The following MAP2K6 variants were observed in gnomAD, a reference collection of about 807,000 sequenced individuals.
MAP2K6 encodes the protein dual specificity mitogen-activated protein kinase kinase 6.
Under a neutral mutation model 53.7 loss-of-function variants are expected in MAP2K6, and 16 were observed. The ratio of observed to expected loss-of-function variants is 0.30; its 90% CI spans 0.20 to 0.45. The LOEUF is 0.45. Among genes scored for constraint, MAP2K6 ranks in the 20% least tolerant of loss-of-function variants. MAP2K6 has a pLI of 1.00. For missense variants in MAP2K6, 204 were observed against 411.9 expected (o/e 0.50, Z 4.37); for synonymous variants, 132 against 143.1 (o/e 0.92, Z 0.55).
intron 6 of MAP2K6, 24 bp from the exon 7 acceptor site, chr17:69,521,025 A>G: frequency 6.4e-7 from 1 of 1,567,582 alleles, no homozygotes; most frequent in Non-Finnish European, 8.7e-7. Flanking sequence ...TGATAAATAA[A>G]TCTATCTTGT....
At chr17:69,447,625 C>T (rs765317553) in intron 1 of MAP2K6, among the ~76,000 whole-genome samples, 6 of 151,928 alleles carry the variant, frequency 3.9e-5, no homozygotes, top group Non-Finnish European at 7.4e-5. Flanking sequence ...GGATTACAGG[C>T]GTGAGCCACC....
At chr17:69,462,581 G>A (rs931584759) in intron 1 of MAP2K6, among the ~76,000 whole-genome samples, 1 of 152,080 alleles carries the variant, frequency 6.6e-6, no homozygotes, top group South Asian at 2.1e-4. Context: ...TTCAATATGT[G>A]TATAGGCCAT....
chr17:69,521,819 A>AC (rs1910493769), intron 7 of MAP2K6: 2 of 142,168 alleles, frequency 1.4e-5, no homozygotes, highest in Non-Finnish European at 1.5e-5. Context: ...AAAAAAAAAA[A>AC]AAAAAAAAAA....
intron 10 of MAP2K6, among the ~76,000 whole-genome samples, chr17:69,527,284 C>T (rs1910826508): frequency 6.6e-6 from 1 of 152,124 alleles, no homozygotes; most frequent in South Asian, 2.1e-4. Flanking sequence ...CTTAGGTCCC[C>T]AGAAGTCTTG....
intron 2 of MAP2K6, among the ~76,000 whole-genome samples, chr17:69,513,303 G>A (rs1361829948): frequency 2.0e-5 from 3 of 152,184 alleles, no homozygotes; most frequent in Non-Finnish European, 4.4e-5. Flanking sequence ...CTGCCTCGAT[G>A]GGAATCGCAA....
At chr17:69,472,894 A>T (rs895834528) in intron 1 of MAP2K6, among the ~76,000 whole-genome samples, 1 of 152,100 alleles carries the variant, frequency 6.6e-6, no homozygotes, top group African/African-American at 2.4e-5. Flanking sequence ...TTCAGTAGAG[A>T]TGGGGTTTCA....
chr17:69,538,569 A>G (rs918663302), intron 11 of MAP2K6, among the ~76,000 whole-genome samples: 2 of 152,228 alleles, frequency 1.3e-5, no homozygotes, highest in Non-Finnish European at 2.9e-5. Context: ...CTGAGAGGCA[A>G]TTGTTTAGAT....
Position 69,553,066 on chromosome 17 carries a change from TG to T in MAP2K6, c.*11314del, listed in dbSNP as rs2144898720. The T allele has an allele frequency of 6.6e-6, 1 of 152,374 alleles. No homozygotes were observed. Among genetic ancestry groups the T allele is most frequent in the Admixed American group, 6.5e-5 (1 of 15,310 alleles). The allele number at this position is 152,374 out of a possible 1,614,324, so 9.4% of individuals were successfully genotyped here. On this transcript the variant is annotated 3_prime_UTR_variant, in exon 12 of 12. Coordinates refer to ENST00000590474, the MANE Select transcript of MAP2K6 (RefSeq NM_002758.4). ...CTTTTTAACATTTGGAGAAGCCACC[TG>T]TCCTGGGTCCCTATTCTTGAGAAAT...
chr17:69,424,089 C>G (rs1258328102), intron 1 of MAP2K6, among the ~76,000 whole-genome samples: 1 of 152,192 alleles, frequency 6.6e-6, no homozygotes. Context: ...CAGTTATCAT[C>G]TCCTGCAAAG....
chr17:69,524,180 T>TTA (rs147661981), intron 8 of MAP2K6, among the ~76,000 whole-genome samples: 132 of 152,092 alleles, frequency 8.7e-4, no homozygotes, highest in African/African-American at 2.8e-3. Context: ...ACAGACATAG[T>TTA]TATATATATA....
intron 10 of MAP2K6, among the ~76,000 whole-genome samples, chr17:69,533,731 G>GTTT (rs199915836): frequency 5.2e-5 from 6 of 114,976 alleles, no homozygotes; most frequent in Non-Finnish European, 5.3e-5. Flanking sequence ...CTTCTAGCCT[G>GTTT]TTTGTTTTTT....
At position 69,516,836 on chromosome 17, in the gene MAP2K6, TC is replaced by T. The variant is rs1367617045; in HGVS notation, c.84-14del. ...ACTCAATAGCTTATGTTTCTTCTTT[TC>T]CCCCTTATCTTTCTTAGACCACCTC... is the stretch of plus-strand genomic sequence containing the variant. On this transcript the variant is annotated intron_variant, in intron 2 of 11. Coordinates refer to ENST00000590474, the MANE Select transcript of MAP2K6 (RefSeq NM_002758.4). 2 of 1,563,542 alleles carry T rather than the reference TC, an allele frequency of 1.3e-6. No homozygotes were observed. The highest frequency in any genetic ancestry group is 8.8e-7 in the Non-Finnish European group (1 of 1,137,318).
chr17:69,507,389 G>GT (rs1426171468), intron 2 of MAP2K6, among the ~76,000 whole-genome samples: 2 of 152,028 alleles, frequency 1.3e-5, no homozygotes, highest in Admixed American at 6.6e-5. Flanking sequence ...ATCACATTGT[G>GT]TAAGTCTTGC....
At chr17:69,498,650 C>CCACACACACACACACACA (rs3222089) in intron 1 of MAP2K6, among the ~76,000 whole-genome samples, 168 of 145,528 alleles carry the variant, frequency 1.2e-3, no homozygotes, top group Non-Finnish European at 2.1e-3. Context: ...CACCTGGAAG[C>CCACACACACACACACACA]CACACACACA....
rs191143530 is a variant in MAP2K6, at chr17:69,443,695, G to T, written c.16+28695G>T. Among the ~76,000 whole-genome samples the T allele has an allele frequency of 2.0e-3, 306 of 152,218 alleles. 1 individual carries two copies. The highest frequency in any genetic ancestry group is 4.1e-3 in the Admixed American group (63 of 15,290). ...TCATCACTGGGGTTTAGGGTAAAGG[G>T]GTTGACTGACACTCTCAAAACCGAG... On this transcript the variant is annotated intron_variant, in intron 1 of 11. Coordinates refer to ENST00000590474, the MANE Select transcript of MAP2K6 (RefSeq NM_002758.4).
In MAP2K6 at chr17:69,449,549, C is replaced by CTTTCTTTA. The variant is rs1555602247; in HGVS notation, c.16+34556_16+34557insATTTCTTT. Among the ~76,000 whole-genome samples the CTTTCTTTA allele has an allele frequency of 1.5e-3, 144 of 96,700 alleles. 1 individual carries two copies. Among genetic ancestry groups the CTTTCTTTA allele is most frequent in the African/African-American group, 2.2e-3 (40 of 18,568 alleles). 63.4% of individuals were successfully genotyped at this position (96,700 alleles called of 152,430 possible). ...TTTCTTTGTCTTTCTTTCTTTCTTTCTTTCTTTCTTTATTTCTTTCTTTCT... is the reference window on the plus strand; with the variant it reads ...TTTCTTTGTCTTTCTTTCTTTCTTTCTTTCTTTATTTCTTTCTTTATTTCTTTCTTTCT... On this transcript the variant is annotated intron_variant, in intron 1 of 11. Coordinates refer to ENST00000590474, the MANE Select transcript of MAP2K6 (RefSeq NM_002758.4).
At chr17:69,472,690 A>G (rs59900633) in intron 1 of MAP2K6, among the ~76,000 whole-genome samples, 18,974 of 152,094 alleles carry the variant, frequency 0.12, 1,373 homozygotes, top group African/African-American at 0.19. Context: ...CAACATCATT[A>G]TCTTACTTGT....
chr17:69,487,447 T>G (rs1908584950), intron 1 of MAP2K6, among the ~76,000 whole-genome samples: 1 of 152,234 alleles, frequency 6.6e-6, no homozygotes, highest in Admixed American at 6.5e-5. Context: ...ATTATTCTCA[T>G]GAGCAACCAC....
chr17:69,520,518 G>A (rs1910409918), intron 6 of MAP2K6, 132 bp downstream of exon 6: 1 of 652,062 alleles, frequency 1.5e-6, no homozygotes, highest in Non-Finnish European at 2.7e-6. Context: ...ACATTTATTG[G>A]TGGATGGATA....
Sources: gnomAD v4.1 joint callset for allele counts (sites outside exome capture counted in the v4.1 genomes callset) on GRCh38, gnomAD v4.1.1 for gene constraint, MANE v1.5 for transcripts, NCBI Gene and HGNC (gene_info 2026-07-23, HGNC 2026-07-21) for gene names.